The following SEMA5A variants were observed in gnomAD, a reference collection of about 807,000 sequenced individuals.
SEMA5A encodes semaphorin-5A.
A neutral mutation model predicts 135.5 loss-of-function variants in SEMA5A; 55 were observed. That is an observed-to-expected ratio of 0.41 (90% CI 0.33 to 0.51). The LOEUF is 0.51. Ranked by LOEUF, SEMA5A falls within the 20% of genes least tolerant of loss-of-function variation. SEMA5A has a pLI of 0.37. For missense variants in SEMA5A, 1,290 were observed against 1,419.9 expected (o/e 0.91, Z 1.47); for synonymous variants, 580 against 546.5 (o/e 1.06, Z -0.85).
At chr5:9,186,146 AC>A (rs1744796602) in intron 11 of SEMA5A, among the ~76,000 whole-genome samples, 1 of 152,202 alleles carries the variant, frequency 6.6e-6, no homozygotes, top group Admixed American at 6.5e-5. Flanking sequence ...AAACCAACTT[AC>A]AAAATATTAG....
At chr5:9,345,484 T>C (rs1367702291) in intron 3 of SEMA5A, among the ~76,000 whole-genome samples, 1 of 150,758 alleles carries the variant, frequency 6.6e-6, no homozygotes, top group Admixed American at 6.6e-5. Flanking sequence ...TAATGCTGAT[T>C]TACATTATGG....
At chr5:9,416,985 G>A (rs1463449797) in intron 2 of SEMA5A, among the ~76,000 whole-genome samples, 1 of 152,220 alleles carries the variant, frequency 6.6e-6, no homozygotes, top group East Asian at 1.9e-4. Flanking sequence ...AAAAGAAATT[G>A]GTAAGACCAG....
chr5:9,201,309 A>C (rs752671297), intron 9 of SEMA5A, among the ~76,000 whole-genome samples: 1 of 152,240 alleles, frequency 6.6e-6, no homozygotes, highest in African/African-American at 2.4e-5. Flanking sequence ...AAGAGATCAG[A>C]AAACTTCATA....
chr5:9,515,595 C>A (rs1289565898), intron 1 of SEMA5A, among the ~76,000 whole-genome samples: 1 of 152,116 alleles, frequency 6.6e-6, no homozygotes, highest in Non-Finnish European at 1.5e-5. Flanking sequence ...GAGCTTGCAG[C>A]TGCTAACAAA....
intron 14 of SEMA5A, among the ~76,000 whole-genome samples, chr5:9,119,506 G>A (rs72741903): frequency 0.014 from 2,076 of 152,268 alleles, 17 homozygotes; most frequent in Middle Eastern, 0.048. Flanking sequence ...CACCTCTACA[G>A]TTTAGGATTT....
At chr5:9,114,729 A>G (rs1740423330) in intron 15 of SEMA5A, among the ~76,000 whole-genome samples, 1 of 152,182 alleles carries the variant, frequency 6.6e-6, no homozygotes, top group South Asian at 2.1e-4. Context: ...TGGATTATTA[A>G]ACTAAAAGAA....
At chr5:9,429,067 G>A (rs187402162) in intron 2 of SEMA5A, among the ~76,000 whole-genome samples, 3 of 152,342 alleles carry the variant, frequency 2.0e-5, no homozygotes, top group Admixed American at 6.5e-5. Context: ...GGGACACAGA[G>A]GGGGTGTGAC....
intron 16 of SEMA5A, among the ~76,000 whole-genome samples, chr5:9,097,118 A>G (rs17237125): frequency 0.074 from 11,313 of 152,264 alleles, 467 homozygotes; most frequent in South Asian, 0.16. Flanking sequence ...TACTGTGAAC[A>G]GTAGCATCAA....
chr5:9,307,881 C>T (rs902698776), intron 5 of SEMA5A, among the ~76,000 whole-genome samples: 1 of 151,432 alleles, frequency 6.6e-6, no homozygotes, highest in Non-Finnish European at 1.5e-5. Flanking sequence ...TTTCATGAAA[C>T]TAAATGATAT....
chr5:9,317,693 G>C (rs1041966305), intron 5 of SEMA5A, among the ~76,000 whole-genome samples: 1 of 152,168 alleles, frequency 6.6e-6, no homozygotes, highest in Admixed American at 6.5e-5. Flanking sequence ...ACAGCCCGAA[G>C]ATTCTGGCAT....
chr5:9,222,491 C>A (rs912538710), intron 8 of SEMA5A, among the ~76,000 whole-genome samples: 2 of 151,948 alleles, frequency 1.3e-5, no homozygotes, highest in South Asian at 2.1e-4. Flanking sequence ...TGGGGGAGGG[C>A]GGTGGAAATG....
intron 21 of SEMA5A, chr5:9,046,088 G>C (rs1470657164): frequency 6.6e-6 from 1 of 152,260 alleles, no homozygotes; most frequent in African/African-American, 2.4e-5. Context: ...ATCTTCCTCT[G>C]TGTTGTTAGA....
At chr5:9,140,820 G>C (rs1560955412) in intron 12 of SEMA5A, among the ~76,000 whole-genome samples, 1 of 152,128 alleles carries the variant, frequency 6.6e-6, no homozygotes, top group Non-Finnish European at 1.5e-5. Context: ...AAAGCAACAT[G>C]ACCAGTAGTT....
At chr5:9,376,697 G>A (rs937941538) in intron 3 of SEMA5A, among the ~76,000 whole-genome samples, 1 of 152,088 alleles carries the variant, frequency 6.6e-6, no homozygotes, top group South Asian at 2.1e-4. Flanking sequence ...TTCATTGAAG[G>A]TTCACTCCGA....
rs761449332 is a variant in SEMA5A at position 9,037,390 on chromosome 5, G to C, written c.*5507C>G. On this transcript the variant is annotated 3_prime_UTR_variant, in exon 23 of 23. Coordinates refer to ENST00000382496, the MANE Select transcript of SEMA5A (RefSeq NM_003966.3). ...ACATTTTGTGCCAGGCTCTGAATTG[G>C]TTTTGATAATGCCCTATGTCGCTTG... 6.6e-6 allele frequency: 1 copy of C among 152,152 alleles called. No homozygotes were observed. Among genetic ancestry groups the C allele is most frequent in the African/African-American group, 2.4e-5 (1 of 41,428 alleles). 9.4% of individuals were successfully genotyped at this position (152,152 alleles called of 1,614,324 possible). A position where few individuals can be genotyped will look rare whatever the true frequency, so the allele number is the denominator to read the frequency against.
chr5:9,144,774 C>A (rs1358214420), intron 12 of SEMA5A, among the ~76,000 whole-genome samples: 1 of 152,180 alleles, frequency 6.6e-6, no homozygotes, highest in Non-Finnish European at 1.5e-5. Context: ...TGAGGCCATG[C>A]TGACATCACT....
chr5:9,130,403 A>G (rs975958092), intron 13 of SEMA5A, among the ~76,000 whole-genome samples: 1 of 152,202 alleles, frequency 6.6e-6, no homozygotes, highest in Non-Finnish European at 1.5e-5. Flanking sequence ...AGCTTGTCTC[A>G]TGCTATGATA....
rs1206700767 is a variant in SEMA5A, at chr5:9,037,318, A to G, written c.*5579T>C. On this transcript the variant is annotated 3_prime_UTR_variant, in exon 23 of 23. Transcript: ENST00000382496. ...TCTATGGCAGATATGAGCTAATATG[A>G]TCCATCAAAAAGGCTGTGTTTTGAG... 1.3e-5 allele frequency: 2 copies of G among 152,172 alleles called. No homozygotes were observed. Among genetic ancestry groups the G allele is most frequent in the African/African-American group, 4.8e-5 (2 of 41,430 alleles). 9.4% of individuals were successfully genotyped at this position (152,172 alleles called of 1,614,324 possible).
intron 1 of SEMA5A, among the ~76,000 whole-genome samples, chr5:9,443,998 C>T (rs1420571968): frequency 1.3e-5 from 2 of 152,240 alleles, no homozygotes; most frequent in Admixed American, 1.3e-4. Context: ...CAGGCCAGCA[C>T]TGGCTGGGGT....
Sources: allele counts gnomAD v4.1 joint callset (sites outside exome capture counted in the v4.1 genomes callset), GRCh38; gene constraint gnomAD v4.1.1; transcripts MANE v1.5; gene names NCBI Gene and HGNC (gene_info 2026-07-23, HGNC 2026-07-21).